MOBP: variants seen among roughly 807,000 people sequenced by gnomAD.
MOBP encodes the protein myelin-associated oligodendrocyte basic protein.
In MOBP, 5 loss-of-function variants were observed where a neutral mutation model predicts 15.0. The observed-to-expected ratio is 0.33, with a 90% CI of 0.17 to 0.70. The LOEUF (loss-of-function observed/expected upper bound fraction) is 0.70, where lower values mean the gene tolerates loss of function less well. MOBP is among the 30% of genes least tolerant of loss of function. The pLI, the probability that MOBP is intolerant of heterozygous loss-of-function variation, is 0.67. For missense variants in MOBP, 188 were observed against 257.8 expected (o/e 0.73, Z 1.85); for synonymous variants, 88 against 99.0 (o/e 0.89, Z 0.66).
intron 2 of MOBP, among the ~76,000 whole-genome samples, chr3:39,501,739 A>G (rs1427047805): frequency 1.3e-5 from 2 of 152,124 alleles, no homozygotes; most frequent in African/African-American, 4.8e-5. Flanking sequence ...TAACTCTAGA[A>G]TATTATTTAG....
chr3:39,498,156 C>T (rs1575307329), intron 2 of MOBP, among the ~76,000 whole-genome samples: 2 of 152,192 alleles, frequency 1.3e-5, no homozygotes, highest in South Asian at 4.1e-4. Context: ...TACTAGCAAT[C>T]CTGGTGTGTT....
intron 2 of MOBP, among the ~76,000 whole-genome samples, chr3:39,490,861 C>G (rs916755301): frequency 6.6e-6 from 1 of 151,642 alleles, no homozygotes; most frequent in Non-Finnish European, 1.5e-5. Context: ...CCGTGCCTGG[C>G]CTCTTCCTTA....
At chr3:39,476,465 C>A (rs906987990) in intron 1 of MOBP, among the ~76,000 whole-genome samples, 2 of 152,202 alleles carry the variant, frequency 1.3e-5, no homozygotes, top group Non-Finnish European at 2.9e-5. Context: ...TCCAATCTAG[C>A]AGCACAAGTT....
intron 2 of MOBP, among the ~76,000 whole-genome samples, chr3:39,487,262 G>A (rs927454575): frequency 6.6e-6 from 1 of 152,008 alleles, no homozygotes; most frequent in African/African-American, 2.4e-5. Context: ...TAATTTTGAT[G>A]TAATCACTTT....
At chr3:39,468,250 A>G (rs1471857996) in intron 1 of MOBP, among the ~76,000 whole-genome samples, 1 of 152,124 alleles carries the variant, frequency 6.6e-6, no homozygotes, top group Non-Finnish European at 1.5e-5. Flanking sequence ...CCTGTAGACC[A>G]ACAACCTTAA....
At chr3:39,528,444 G>T (rs2043357766), downstream of MOBP, 1 of 152,172 alleles carries the variant, frequency 6.6e-6, no homozygotes, top group African/African-American at 2.4e-5. Flanking sequence ...GAGAAAGCAG[G>T]GTTTCATTAG....
chr3:39,478,278 T>C (rs6785843), intron 1 of MOBP, among the ~76,000 whole-genome samples: 3,651 of 152,330 alleles, frequency 0.024, 147 homozygotes, highest in African/African-American at 0.078. Flanking sequence ...AATATGCAAA[T>C]ACTTAAATTA....
chr3:39,486,086 TAA>T (rs2042703631), intron 2 of MOBP, among the ~76,000 whole-genome samples: 1 of 152,228 alleles, frequency 6.6e-6, no homozygotes, highest in African/African-American at 2.4e-5. Context: ...TTTTAGTTTA[TAA>T]AAGAGTCTCT....
intron 4 of MOBP, chr3:39,524,413 G>A (rs950121928): frequency 1.1e-4 from 17 of 151,922 alleles, no homozygotes; most frequent in African/African-American, 3.9e-4. Context: ...ATGTCACTAA[G>A]TACAGATTTA....
chr3:39,504,874 CT>C (rs749491630), downstream of MOBP, among the ~76,000 whole-genome samples: 2 of 152,210 alleles, frequency 1.3e-5, no homozygotes, highest in African/African-American at 2.4e-5. Context: ...AGCCAACTTG[CT>C]TTCTGAAACA....
chr3:39,494,886 A>G (rs1350280102), intron 2 of MOBP, among the ~76,000 whole-genome samples: 1 of 142,458 alleles, frequency 7.0e-6, no homozygotes, highest in Non-Finnish European at 1.5e-5. Context: ...ATAGTGGTTT[A>G]TGCAAGGTGG....
intron 1 of MOBP, among the ~76,000 whole-genome samples, chr3:39,477,841 T>A (rs1463408099): frequency 6.6e-6 from 1 of 151,648 alleles, no homozygotes; most frequent in African/African-American, 2.4e-5. Context: ...GAAAAAAGTT[T>A]AAAAAATTAA....
At chr3:39,496,475 A>G (rs562306158) in intron 2 of MOBP, among the ~76,000 whole-genome samples, 46 of 150,410 alleles carry the variant, frequency 3.1e-4, no homozygotes, top group African/African-American at 1.0e-3. Flanking sequence ...CTGGGATTAC[A>G]GGCGTGAGCC....
rs145594213 is a variant in MOBP, at chr3:39,509,409, AG to A, written c.*-3972del. On this transcript the variant is annotated intron_variant, in intron 4 of 4. Coordinates refer to the MOBP transcript ENST00000311042. ...CTTTAAAAATTTTATTCATTCTGATAGGTATGTAATGGTATTCATTGTAGTT... is the reference window on the plus strand; with the variant it reads ...CTTTAAAAATTTTATTCATTCTGATAGTATGTAATGGTATTCATTGTAGTT... Among the ~76,000 whole-genome samples, 587 of 152,286 alleles carry A rather than the reference AG, an allele frequency of 3.9e-3. 1 individual carries two copies. The highest frequency in any genetic ancestry group is 5.9e-3 in the Non-Finnish European group (402 of 68,012).
In MOBP at chr3:39,485,614, G is replaced by A. The variant is rs552442431; in HGVS notation, c.-5+5491G>A. On this transcript the variant is annotated intron_variant, in intron 2 of 3. Transcript: ENST00000684792. ...CAAAATAGCTCTTGTAGAAGCACCC[G>A]TGTGCACTCCTCACTTGCAGGAAAT... Among the ~76,000 whole-genome samples the A allele has an allele frequency of 1.2e-4, 18 of 152,298 alleles. No individual in the cohort carries two copies. The South Asian group carries it at 3.7e-3, about 32-fold the overall frequency.
downstream of MOBP, among the ~76,000 whole-genome samples, chr3:39,516,930 T>C (rs1004734935): frequency 8.5e-5 from 13 of 152,310 alleles, no homozygotes; most frequent in Non-Finnish European, 1.5e-4. Flanking sequence ...ATTTGCTCCC[T>C]GTCCATCTAG....
downstream of MOBP, among the ~76,000 whole-genome samples, chr3:39,519,683 C>T (rs964859657): frequency 2.0e-5 from 3 of 152,114 alleles, no homozygotes; most frequent in African/African-American, 4.8e-5. Flanking sequence ...GTGCTTTCAG[C>T]TGTCTAGTAT....
chr3:39,468,856 A>AGTGTGTATATATACATATATACATATGT lies in MOBP; in HGVS notation c.-89+1144_-89+1171dup, dbSNP rs1439578169. 2.1e-4 allele frequency among the ~76,000 whole-genome samples: 18 copies of AGTGTGTATATATACATATATACATATGT among 86,430 alleles called. 4 individuals carry two copies. Among genetic ancestry groups the AGTGTGTATATATACATATATACATATGT allele is most frequent in the East Asian group, 1.8e-3 (6 of 3,298 alleles). The allele number at this position is 86,430 out of a possible 152,430, so 56.7% of individuals were successfully genotyped here. On this transcript the variant is annotated intron_variant, in intron 1 of 3. Coordinates refer to ENST00000684792, the MANE Select transcript of MOBP (RefSeq NM_001393704.1). ...GTGTGTATATATACATATATACATG[A>AGTGTGTATATATACATATATACATATGT]GTGTGTATATATACATATATACATA...
chr3:39,477,196 G>C (rs1272093793), intron 1 of MOBP, among the ~76,000 whole-genome samples: 1 of 152,072 alleles, frequency 6.6e-6, no homozygotes, highest in Non-Finnish European at 1.5e-5. Flanking sequence ...TTTCTACTTG[G>C]TTAACAGCCT....
Sources: gnomAD v4.1 joint callset for allele counts (sites outside exome capture counted in the v4.1 genomes callset) on GRCh38, gnomAD v4.1.1 for gene constraint, MANE v1.5 for transcripts, NCBI Gene and HGNC (gene_info 2026-07-23, HGNC 2026-07-21) for gene names.